NALCN: variants seen among roughly 807,000 people sequenced by gnomAD.
NALCN encodes sodium leak channel, non-selective.
Under a neutral mutation model 225.3 loss-of-function variants are expected in NALCN, and 111 were observed. The ratio of observed to expected loss-of-function variants is 0.49; its 90% CI spans 0.42 to 0.58. NALCN has a LOEUF of 0.58. Among genes scored for constraint, NALCN ranks in the 20% least tolerant of loss-of-function variants. The pLI, the probability that NALCN is intolerant of heterozygous loss-of-function variation, is 0.00. For synonymous variants in NALCN, 764 were observed against 769.0 expected (o/e 0.99, Z 0.11); for missense variants, 1,378 against 2,202.4 (o/e 0.63, Z 7.49).
intron 7 of NALCN, among the ~76,000 whole-genome samples, chr13:101,322,699 C>G (rs2044789930): frequency 6.6e-6 from 1 of 151,972 alleles, no homozygotes; most frequent in African/African-American, 2.4e-5. Context: ...TTAAAAATCT[C>G]TAAGCGTGGT....
chr13:101,119,823 G>A (rs1036428950), intron 18 of NALCN, among the ~76,000 whole-genome samples: 1 of 152,082 alleles, frequency 6.6e-6, no homozygotes, highest in African/African-American at 2.4e-5. Context: ...CATCCTCTTC[G>A]GATAACTCTT....
chr13:101,349,638 C>CT (rs5806211), intron 6 of NALCN, among the ~76,000 whole-genome samples: 54,340 of 151,884 alleles, frequency 0.36, 9,817 homozygotes, highest in Admixed American at 0.45. Context: ...GGCCATTCTG[C>CT]TTTTCCATCT....
chr13:101,295,286 CA>C (rs2043702262), intron 7 of NALCN, among the ~76,000 whole-genome samples: 1 of 152,142 alleles, frequency 6.6e-6, no homozygotes. Context: ...TAACATTAAA[CA>C]AACAATTTAT....
intron 19 of NALCN, among the ~76,000 whole-genome samples, chr13:101,110,898 G>C (rs2035392909): frequency 6.6e-6 from 1 of 152,176 alleles, no homozygotes. Flanking sequence ...TCTTAAAGGT[G>C]AGAATTTGGC....
At chr13:101,401,459 C>T (rs2047477016) in intron 1 of NALCN, among the ~76,000 whole-genome samples, 1 of 152,118 alleles carries the variant, frequency 6.6e-6, no homozygotes, top group Non-Finnish European at 1.5e-5. Context: ...AGAGTGGTTT[C>T]ACTTCAAAGA....
At chr13:101,225,150 G>T (rs528402818) in intron 13 of NALCN, among the ~76,000 whole-genome samples, 5 of 152,100 alleles carry the variant, frequency 3.3e-5, no homozygotes, top group Admixed American at 2.0e-4. Context: ...ACTATAGTGG[G>T]TGTCTCCCTG....
chr13:101,166,417 G>T lies in NALCN; in HGVS notation c.1839+9883C>A, dbSNP rs892070124. ...TTCTTGCCAAACTGTTTTTTTTTTT[G>T]ATAGTGGCCATTCTAATAGGTATAA... is the stretch of plus-strand genomic sequence containing the variant. On this transcript the variant is annotated intron_variant, in intron 15 of 43. Transcript: ENST00000251127. Among the ~76,000 whole-genome samples, 273 of 144,624 alleles carry T rather than the reference G, an allele frequency of 1.9e-3. 2 individuals are homozygous for T. Among genetic ancestry groups the T allele is most frequent in the Non-Finnish European group, 2.9e-3 (192 of 66,192 alleles). 94.9% of individuals were successfully genotyped at this position (144,624 alleles called of 152,430 possible).
intron 11 of NALCN, among the ~76,000 whole-genome samples, chr13:101,254,370 C>CAAAAAAAAA (rs66465051): frequency 2.9e-5 from 2 of 68,022 alleles, no homozygotes; most frequent in Admixed American, 2.1e-4. Context: ...GGGACTGTCT[C>CAAAAAAAAA]AAAAAAAAAA....
intron 17 of NALCN, among the ~76,000 whole-genome samples, chr13:101,141,730 G>C (rs560291866): frequency 1.3e-5 from 2 of 152,154 alleles, no homozygotes; most frequent in East Asian, 1.9e-4. Context: ...AATTCCAAAG[G>C]GTTCATCCCT....
At chr13:101,307,759 A>G (rs751470578) in intron 7 of NALCN, among the ~76,000 whole-genome samples, 5 of 152,178 alleles carry the variant, frequency 3.3e-5, no homozygotes, top group Non-Finnish European at 7.3e-5. Flanking sequence ...TGGGTTGAGG[A>G]GAACATTTCT....
intron 18 of NALCN, among the ~76,000 whole-genome samples, chr13:101,114,742 G>A (rs1437426155): frequency 6.6e-6 from 1 of 152,138 alleles, no homozygotes; most frequent in Non-Finnish European, 1.5e-5. Flanking sequence ...AATCACTTAA[G>A]TTTTGGAGTA....
intron 37 of NALCN, among the ~76,000 whole-genome samples, chr13:101,072,004 G>A (rs1450344043): frequency 4.6e-5 from 7 of 152,008 alleles, no homozygotes; most frequent in African/African-American, 1.2e-4. Context: ...ACAGATGTTC[G>A]GTGCAGCAAT....
intron 37 of NALCN, among the ~76,000 whole-genome samples, chr13:101,070,937 G>A (rs1236874832): frequency 6.6e-6 from 1 of 152,170 alleles, no homozygotes; most frequent in African/African-American, 2.4e-5. Flanking sequence ...GGAAGGGGAA[G>A]CAAATATGTT....
At chr13:101,291,839 T>G (rs2043564858) in intron 9 of NALCN, 151 bp downstream of exon 9, 1 of 745,664 alleles carries the variant, frequency 1.3e-6, no homozygotes. Context: ...CATGAGCCAC[T>G]GTGCCTGACT....
At chr13:101,106,069 T>C (rs1441507290) in intron 22 of NALCN, among the ~76,000 whole-genome samples, 2 of 152,098 alleles carry the variant, frequency 1.3e-5, no homozygotes, top group Non-Finnish European at 2.9e-5. Context: ...GCCAGCTGAG[T>C]TGGTTCTTTC....
At chr13:101,200,117 C>G (rs377024947) in intron 13 of NALCN, among the ~76,000 whole-genome samples, 12 of 152,208 alleles carry the variant, frequency 7.9e-5, no homozygotes, top group Admixed American at 5.9e-4. Flanking sequence ...CCAGCCCCAC[C>G]TCCAGAATCA....
chr13:101,109,699 C>T (rs640960), intron 20 of NALCN, among the ~76,000 whole-genome samples: 44,028 of 151,930 alleles, frequency 0.29, 6,494 homozygotes, highest in South Asian at 0.4. Context: ...ATGCATTTCC[C>T]AAACCTTTCA....
chr13:101,380,402 T>TA (rs983537712), intron 3 of NALCN, among the ~76,000 whole-genome samples: 1 of 152,140 alleles, frequency 6.6e-6, no homozygotes, highest in South Asian at 2.1e-4. Flanking sequence ...CATGGGAATT[T>TA]AAAAAATGCC....
chr13:101,340,063 C>T (rs182558037), intron 7 of NALCN, among the ~76,000 whole-genome samples: 3 of 151,806 alleles, frequency 2.0e-5, no homozygotes, highest in South Asian at 2.1e-4. Flanking sequence ...GTCAGGAGAT[C>T]GAGACCCTCC....
Sources: allele counts gnomAD v4.1 joint callset (sites outside exome capture counted in the v4.1 genomes callset), GRCh38; gene constraint gnomAD v4.1.1; transcripts MANE v1.5; gene names NCBI Gene and HGNC (gene_info 2026-07-23, HGNC 2026-07-21).